The following ZYG11A variants were observed in gnomAD, a reference collection of about 807,000 sequenced individuals.
ZYG11A encodes zyg-11 family member A, cell cycle regulator.
In ZYG11A, 62 loss-of-function variants were observed where a neutral mutation model predicts 77.2. The observed-to-expected ratio is 0.80, with a 90% CI of 0.65 to 0.99. The LOEUF is 0.99. ZYG11A is among the 50% of genes least tolerant of loss of function. ZYG11A has a pLI of 0.00. For synonymous variants in ZYG11A, 315 were observed against 324.6 expected, an observed-to-expected ratio of 0.97 and a Z score of 0.32; for missense variants, 828 against 896.8, an observed-to-expected ratio of 0.92 and a Z score of 0.98.
intron 8 of ZYG11A, among the ~76,000 whole-genome samples, chr1:52,872,923 AAG>A (rs1200573203): frequency 4.6e-5 from 7 of 151,748 alleles, no homozygotes; most frequent in African/African-American, 1.5e-4. Context: ...AGAAAGAAAA[AAG>A]AAATATTTTA....
chr1:52,891,148 C>T (rs1646536493), intron 13 of ZYG11A, among the ~76,000 whole-genome samples: 1 of 151,938 alleles, frequency 6.6e-6, no homozygotes, highest in African/African-American at 2.4e-5. Context: ...GATCCACCCA[C>T]CTCAGCCTTC....
At chr1:52,879,530 A>C (rs940378360) in intron 10 of ZYG11A, among the ~76,000 whole-genome samples, 4 of 152,314 alleles carry the variant, frequency 2.6e-5, no homozygotes, top group Non-Finnish European at 4.4e-5. Flanking sequence ...AGTATAAAGA[A>C]GGGACAAAGT....
intron 3 of ZYG11A, among the ~76,000 whole-genome samples, 176 bp downstream of exon 3, chr1:52,857,925 ATAT>A (rs994459608): frequency 2.6e-5 from 4 of 152,040 alleles, no homozygotes; most frequent in African/African-American, 7.2e-5. Context: ...GGTTGTGAGA[ATAT>A]TATTATTATT....
At chr1:52,886,273 T>A (rs1403574670) in intron 12 of ZYG11A, among the ~76,000 whole-genome samples, 1 of 152,158 alleles carries the variant, frequency 6.6e-6, no homozygotes, top group East Asian at 1.9e-4. Flanking sequence ...AGTGATACAG[T>A]GATAACGTGT....
chr1:52,868,213 C>A (rs938899434), intron 8 of ZYG11A, among the ~76,000 whole-genome samples: 1 of 151,754 alleles, frequency 6.6e-6, no homozygotes, highest in Non-Finnish European at 1.5e-5. Context: ...ATCTGCGTGC[C>A]TCGGCATCCC....
intron 1 of ZYG11A, among the ~76,000 whole-genome samples, chr1:52,846,310 TTATATATATATATA>T (rs869093943): frequency 0.012 from 420 of 35,666 alleles, 6 homozygotes; most frequent in Middle Eastern, 0.036. Context: ...TTTTAAATTT[TTATATATATATATA>T]TATATATATA....
In ZYG11A at chr1:52,892,887, C is replaced by T. The variant is rs1290048283; in HGVS notation, c.2210C>T (p.Ser737Phe). The change falls in exon 14 of 14, where the codon TCC (serine) becomes TTC (phenylalanine). Residue 737 changes from serine to phenylalanine, a missense_variant. Transcript: ENST00000371528. ...ATPKAQQIAASILDDFRMHFM... is the reference protein window; with the variant it reads ...ATPKAQQIAAFILDDFRMHFM... Reference sequence around the variant, plus strand: ...CCCAAAGCACAGCAGATTGCAGCCTCCATTCTGGATGACTTCAGAATGCAT... The same window carrying T: ...CCCAAAGCACAGCAGATTGCAGCCTTCATTCTGGATGACTTCAGAATGCAT... 6.4e-7 allele frequency: 1 copy of T among 1,551,654 alleles called. No individual in the cohort carries two copies. The highest frequency in any genetic ancestry group is 2.0e-5 in the Admixed American group (1 of 50,982).
intron 6 of ZYG11A, among the ~76,000 whole-genome samples, chr1:52,866,774 C>G (rs1646034919): frequency 6.6e-6 from 1 of 152,064 alleles, no homozygotes; most frequent in Admixed American, 6.6e-5. Context: ...GCTCCGAGAG[C>G]CAAACATACT....
intron 8 of ZYG11A, among the ~76,000 whole-genome samples, chr1:52,870,814 C>T (rs541582557): frequency 1.3e-5 from 2 of 151,516 alleles, no homozygotes; most frequent in South Asian, 4.2e-4. Context: ...GGCAGCAGTA[C>T]AGTCCAGCTT....
At chr1:52,872,502 G>A (rs911386189) in intron 8 of ZYG11A, among the ~76,000 whole-genome samples, 3 of 152,030 alleles carry the variant, frequency 2.0e-5, no homozygotes, top group Non-Finnish European at 2.9e-5. Flanking sequence ...TTTCCTGCTT[G>A]TTATACGATA....
chr1:52,857,053 G>T lies in ZYG11A; in HGVS notation c.312G>T (p.Lys104Asn). The stretch of plus-strand genomic sequence containing the variant: ...TCCGAGGCAACCAAATGAAACTGAA[G>T]CTGGTCAATATCCAAAAAGCTAAAA... The part of the protein sequence containing the change: ...SIFRGNQMKL[K>N]LVNIQKAKIS... Residue 104 changes from lysine (K) to asparagine (N), a missense_variant, in exon 3 of 14, where the codon AAG becomes AAT. By Grantham distance (94) the Lys-to-Asn change is moderately conservative. Transcript: ENST00000371528. 1.3e-6 allele frequency: 2 copies of T among 1,550,354 alleles called. No individual in the cohort carries two copies. The highest frequency in any genetic ancestry group is 8.7e-7 in the Non-Finnish European group (1 of 1,146,166).
chr1:52,857,279 C>T lies in ZYG11A; in HGVS notation c.538C>T (p.Leu180Phe), dbSNP rs1277202057. Residue 180 changes from leucine to phenylalanine, a missense_variant, in exon 3 of 14, where the codon CTC (leucine) becomes TTC (phenylalanine). By Grantham distance (22) the Leu-to-Phe change is conservative. Transcript: ENST00000371528. ...QNSRLLFFSQ[L>F]TGLRILSVFN... ...TTCAAGATTACTGTTCTTTAGTCAG[C>T]TCACTGGTCTTCGCATTTTAAGTGT... 1 of 1,552,160 alleles carries T rather than the reference C, an allele frequency of 6.4e-7. No individual in the cohort carries two copies. Among genetic ancestry groups the T allele is most frequent in the Admixed American group, 2.0e-5 (1 of 50,988 alleles).
chr1:52,873,993 A>T (rs1202570009), intron 8 of ZYG11A, among the ~76,000 whole-genome samples: 1 of 151,886 alleles, frequency 6.6e-6, no homozygotes, highest in East Asian at 1.9e-4. Flanking sequence ...TCAAAAAAAA[A>T]AATAAATAAA....
chr1:52,887,079 CAT>C (rs998319864), intron 13 of ZYG11A, 26 bp downstream of exon 13: 27 of 1,251,094 alleles, frequency 2.2e-5, no homozygotes, highest in African/African-American at 3.0e-5. Flanking sequence ...ATATTCAAAA[CAT>C]AATAGTTTTC....
rs112415296 is a variant in ZYG11A at position 52,884,609 on chromosome 1, G to A, written c.1945-1224G>A. On this transcript the variant is annotated intron_variant, in intron 11 of 13. Transcript: ENST00000371528. Reference sequence around the variant, plus strand: ...GCAGAGGTTACAGTGAGCCGAGATCGTGCCATCGCACTCCAGCCTGGGCAA... The same window carrying A: ...GCAGAGGTTACAGTGAGCCGAGATCATGCCATCGCACTCCAGCCTGGGCAA... 3.5e-3 allele frequency among the ~76,000 whole-genome samples: 539 copies of A among 152,202 alleles called. 4 individuals carry two copies. The highest frequency in any genetic ancestry group is 0.012 in the African/African-American group (514 of 41,530).
At chr1:52,854,873 G>GT (rs561963113) in intron 2 of ZYG11A, among the ~76,000 whole-genome samples, 70,097 of 147,774 alleles carry the variant, frequency 0.47, 17,678 homozygotes, top group Non-Finnish European at 0.59. Context: ...CTCTAGCTTT[G>GT]TTTTTTTTTT....
chr1:52,865,435 A>G (rs1307707213), intron 5 of ZYG11A, among the ~76,000 whole-genome samples: 13 of 152,200 alleles, frequency 8.5e-5, no homozygotes, highest in Admixed American at 7.9e-4. Flanking sequence ...TTAAATATAC[A>G]CTTCATAAAC....
Position 52,892,968 on chromosome 1 carries a change from T to A in ZYG11A, c.*11T>A, listed in dbSNP as rs553267979. ...CAAATGCCCTTCTGAACCTAAGGAA[T>A]TTCAGAGGTGTGTGCTCTTCCTCAA... is the stretch of plus-strand genomic sequence containing the variant. On this transcript the variant is annotated 3_prime_UTR_variant, in exon 14 of 14. Coordinates refer to ENST00000371528, the MANE Select transcript of ZYG11A (RefSeq NM_001004339.3). The A allele has an allele frequency of 1.3e-6, 2 of 1,549,822 alleles. No homozygotes were observed. Among genetic ancestry groups the A allele is most frequent in the Admixed American group, 3.9e-5 (2 of 50,952 alleles).
Position 52,885,870 on chromosome 1 carries a change from A to G in ZYG11A, c.1982A>G (p.Lys661Arg). 1.3e-6 allele frequency: 2 copies of G among 1,548,658 alleles called. No homozygotes were observed. Among genetic ancestry groups the G allele is most frequent in the Non-Finnish European group, 1.7e-6 (2 of 1,145,966 alleles). ...TIQNWPSSSC[K>R]MTALVTYRSF... ...CAGAATTGGCCAAGTTCAAGTTGTA[A>G]GATGACAGCATTGGTGACCTATAGG... Residue 661 changes from lysine to arginine, a missense_variant, in exon 12 of 14, where the codon AAG (lysine) becomes AGG (arginine). Lys to Arg is a conservative substitution (Grantham distance 26). Transcript: ENST00000371528.
Sources: gnomAD v4.1 joint callset for allele counts (sites outside exome capture counted in the v4.1 genomes callset) on GRCh38, gnomAD v4.1.1 for gene constraint, MANE v1.5 for transcripts, NCBI Gene and HGNC (gene_info 2026-07-23, HGNC 2026-07-21) for gene names.